ADAMTS3: variants seen among roughly 807,000 people sequenced by gnomAD.
The protein encoded by ADAMTS3 is ADAM metallopeptidase with thrombospondin type 1 motif 3.
In ADAMTS3, 73 loss-of-function variants were observed where a neutral mutation model predicts 129.0. The observed-to-expected ratio is 0.57, with a 90% CI of 0.47 to 0.69. The LOEUF (loss-of-function observed/expected upper bound fraction) is 0.69. Ranked by LOEUF, ADAMTS3 falls within the 30% of genes least tolerant of loss-of-function variation. ADAMTS3 has a pLI of 0.00. For missense variants in ADAMTS3, 1,457 were observed against 1,514.5 expected (o/e 0.96, Z 0.63); for synonymous variants, 477 against 510.8 (o/e 0.93, Z 0.89).
intron 19 of ADAMTS3, among the ~76,000 whole-genome samples, chr4:72,295,380 A>C (rs910577085): frequency 6.6e-6 from 1 of 152,076 alleles, no homozygotes; most frequent in Non-Finnish European, 1.5e-5. Context: ...AAAAAAGTCA[A>C]GGAATAGAAG....
chr4:72,307,229 A>C (rs1719111320), intron 15 of ADAMTS3, among the ~76,000 whole-genome samples: 1 of 152,052 alleles, frequency 6.6e-6, no homozygotes, highest in Non-Finnish European at 1.5e-5. Flanking sequence ...CTAACTAAAT[A>C]AAGTGGTCCT....
At chr4:72,326,314 A>T (rs1719697066) in intron 5 of ADAMTS3, among the ~76,000 whole-genome samples, 1 of 152,128 alleles carries the variant, frequency 6.6e-6, no homozygotes, top group Admixed American at 6.6e-5. Flanking sequence ...TCAAGGCTTA[A>T]AAAAGTTCCT....
intron 5 of ADAMTS3, among the ~76,000 whole-genome samples, chr4:72,334,908 T>C (rs545106190): frequency 6.6e-6 from 1 of 152,160 alleles, no homozygotes; most frequent in African/African-American, 2.4e-5. Flanking sequence ...ATCTACAAAA[T>C]AGAAAGAGGT....
intron 3 of ADAMTS3, among the ~76,000 whole-genome samples, chr4:72,499,326 A>G (rs571764610): frequency 3.9e-5 from 6 of 152,190 alleles, no homozygotes; most frequent in Non-Finnish European, 8.8e-5. Flanking sequence ...ACATGTTTTT[A>G]ATTATAGTAA....
intron 4 of ADAMTS3, among the ~76,000 whole-genome samples, chr4:72,367,207 C>A (rs1242950346): frequency 6.6e-6 from 1 of 151,988 alleles, no homozygotes; most frequent in African/African-American, 2.4e-5. Flanking sequence ...TTGATAAATT[C>A]TTTTTAGGCC....
rs745415950 is a variant in ADAMTS3 at position 72,548,588 on chromosome 4, C to T, written c.394G>A (p.Ala132Thr). The T allele has an allele frequency of 1.2e-5, 19 of 1,614,006 alleles. No individual in the cohort carries two copies. The highest frequency in any genetic ancestry group is 2.2e-5 in the South Asian group (2 of 91,078). Residue 132 changes from alanine to threonine, a missense_variant, in exon 3 of 22, where the codon GCT (alanine) becomes ACT (threonine). Transcript: ENST00000286657. Reference sequence around the variant, plus strand: ...TCTGTTCTCCGGATTCTATACGTAGCACTTCCTGGTTGATGGTTGTTAATG... The same window carrying T: ...TCTGTTCTCCGGATTCTATACGTAGTACTTCCTGGTTGATGGTTGTTAATG... ...DPINNHQPGS[A>T]TYRIRRTEPL...
intron 3 of ADAMTS3, among the ~76,000 whole-genome samples, chr4:72,497,157 G>A (rs1719893242): frequency 6.6e-6 from 1 of 152,076 alleles, no homozygotes; most frequent in East Asian, 1.9e-4. Context: ...ATTTATGATG[G>A]AAGGAAGGAT....
chr4:72,482,882 A>G (rs971105547), intron 3 of ADAMTS3, among the ~76,000 whole-genome samples: 1 of 152,130 alleles, frequency 6.6e-6, no homozygotes, highest in African/African-American at 2.4e-5. Flanking sequence ...TCATCATACT[A>G]ACAGGCTAAA....
chr4:72,478,286 A>C (rs1295958954), intron 3 of ADAMTS3, among the ~76,000 whole-genome samples: 4 of 151,928 alleles, frequency 2.6e-5, no homozygotes, highest in Non-Finnish European at 5.9e-5. Context: ...TGATGCAAAA[A>C]TCCTCAATAA....
chr4:72,345,055 T>C (rs866347709), intron 4 of ADAMTS3, among the ~76,000 whole-genome samples: 4 of 152,142 alleles, frequency 2.6e-5, no homozygotes, highest in African/African-American at 4.8e-5. Flanking sequence ...CCAATTTTCA[T>C]GTGAATAAGT....
intron 3 of ADAMTS3, among the ~76,000 whole-genome samples, chr4:72,461,410 C>T (rs1271757259): frequency 6.6e-6 from 1 of 151,646 alleles, no homozygotes; most frequent in Non-Finnish European, 1.5e-5. Context: ...GTCAAACACC[C>T]TCCTTAAACA....
chr4:72,316,644 A>C (rs1897812), intron 10 of ADAMTS3, among the ~76,000 whole-genome samples: 150,996 of 151,920 alleles, frequency 0.99, 75,045 homozygotes, highest in East Asian at 1. Flanking sequence ...GCCGAGATCA[A>C]GCCACTGTAC....
intron 5 of ADAMTS3, among the ~76,000 whole-genome samples, chr4:72,331,497 C>T (rs1010398857): frequency 6.6e-6 from 1 of 152,086 alleles, no homozygotes; most frequent in African/African-American, 2.4e-5. Context: ...CTGATCAAGT[C>T]ACTAATCTTA....
chr4:72,341,379 T>C (rs1014787569), intron 4 of ADAMTS3, among the ~76,000 whole-genome samples: 4 of 152,148 alleles, frequency 2.6e-5, no homozygotes, highest in African/African-American at 9.7e-5. Flanking sequence ...CCACAATATA[T>C]AAATAACTCT....
intron 3 of ADAMTS3, among the ~76,000 whole-genome samples, chr4:72,477,768 G>A (rs1287498843): frequency 2.6e-5 from 4 of 151,800 alleles, no homozygotes; most frequent in African/African-American, 9.7e-5. Context: ...TTTTTTGAAA[G>A]GATCAACAAA....
chr4:72,380,377 G>A (rs10433665), intron 4 of ADAMTS3, among the ~76,000 whole-genome samples: 21,715 of 152,058 alleles, frequency 0.14, 2,905 homozygotes, highest in African/African-American at 0.3. Flanking sequence ...GATGATTCCT[G>A]TCACTTCTCC....
At chr4:72,451,491 G>A (rs1208993253) in intron 3 of ADAMTS3, among the ~76,000 whole-genome samples, 2 of 151,772 alleles carry the variant, frequency 1.3e-5, no homozygotes, top group African/African-American at 4.8e-5. Context: ...AAGCACTAGT[G>A]GAAAAGCTAG....
intron 3 of ADAMTS3, among the ~76,000 whole-genome samples, chr4:72,504,919 T>C (rs772058682): frequency 1.1e-4 from 16 of 152,214 alleles, no homozygotes; most frequent in Non-Finnish European, 1.9e-4. Flanking sequence ...GAAGCTCTAA[T>C]TGATTTCTTT....
At chr4:72,301,583 G>C (rs1718951216) in intron 17 of ADAMTS3, among the ~76,000 whole-genome samples, 1 of 151,840 alleles carries the variant, frequency 6.6e-6, no homozygotes, top group South Asian at 2.1e-4. Context: ...TAAAAATTCT[G>C]TATAAAACAG....
Sources: gnomAD v4.1 joint callset for allele counts (sites outside exome capture counted in the v4.1 genomes callset) on GRCh38, gnomAD v4.1.1 for gene constraint, MANE v1.5 for transcripts, NCBI Gene and HGNC (gene_info 2026-07-23, HGNC 2026-07-21) for gene names.